CYP7B1: variants seen among roughly 807,000 people sequenced by gnomAD.
CYP7B1 encodes the protein cytochrome P450 7B1.
CYP7B1 carries 29 observed loss-of-function variants against 42.7 expected under a neutral mutation model. The observed-to-expected ratio is 0.68, with a 90% CI of 0.51 to 0.93. The LOEUF is 0.93. Among genes scored for constraint, CYP7B1 ranks in the 40% least tolerant of loss-of-function variants. The probability of loss-of-function intolerance (pLI) is 0.00; values close to 1 mark genes in which losing one functional copy is unlikely to be tolerated. For missense variants in CYP7B1, 655 were observed against 600.5 expected (o/e 1.09, Z -0.95); for synonymous variants, 235 against 218.2 (o/e 1.08, Z -0.68).
intron 1 of CYP7B1, among the ~76,000 whole-genome samples, chr8:64,782,789 C>A (rs543053800): frequency 4.1e-4 from 62 of 152,244 alleles, no homozygotes; most frequent in East Asian, 1.9e-3. Context: ...TCCCATGAAT[C>A]ATTAAATGGT....
At chr8:64,688,644 G>C (rs1212125592) in intron 1 of CYP7B1, among the ~76,000 whole-genome samples, 1 of 152,198 alleles carries the variant, frequency 6.6e-6, no homozygotes, top group East Asian at 1.9e-4. Flanking sequence ...TTGATTTAGG[G>C]CCAGGTGCAG....
intron 1 of CYP7B1, among the ~76,000 whole-genome samples, chr8:64,764,611 C>T (rs1319125367): frequency 1.3e-5 from 2 of 152,058 alleles, no homozygotes; most frequent in African/African-American, 4.8e-5. Context: ...CTGAGACAAC[C>T]CGTAGCCTTC....
intron 1 of CYP7B1, among the ~76,000 whole-genome samples, chr8:64,695,603 CTTTT>C (rs35575527): frequency 0.034 from 3,364 of 100,038 alleles, 148 homozygotes; most frequent in African/African-American, 0.094. Context: ...TATCAAATTC[CTTTT>C]TTTTTTTTTT....
intron 1 of CYP7B1, among the ~76,000 whole-genome samples, chr8:64,753,567 C>A (rs897839952): frequency 6.6e-6 from 1 of 152,152 alleles, no homozygotes; most frequent in Admixed American, 6.5e-5. Flanking sequence ...GGAAGGAATA[C>A]GTGACAGGAC....
At chr8:64,675,431 C>A (rs1247622687) in intron 1 of CYP7B1, among the ~76,000 whole-genome samples, 3 of 150,704 alleles carry the variant, frequency 2.0e-5, no homozygotes, top group African/African-American at 7.3e-5. Flanking sequence ...ATACACATTT[C>A]AGTTCATGCA....
Position 64,723,868 on chromosome 8 carries a change from C to T in CYP7B1, c.122+74598G>A, listed in dbSNP as rs1030301367. Among the ~76,000 whole-genome samples, 5 of 151,658 alleles carry T rather than the reference C, an allele frequency of 3.3e-5. No individual in the cohort carries two copies. The East Asian group carries it at 9.7e-4, about 29-fold the overall frequency. On this transcript the variant is annotated intron_variant, in intron 1 of 5. Transcript: ENST00000310193. ...ATTCATAGTATGGAATATTATAGAACGTTAAAAGAGTCTGTTAAAGCTACA... is the reference window on the plus strand; with the variant it reads ...ATTCATAGTATGGAATATTATAGAATGTTAAAAGAGTCTGTTAAAGCTACA...
chr8:64,604,252 T>C (rs1805242778), intron 5 of CYP7B1, among the ~76,000 whole-genome samples: 1 of 152,192 alleles, frequency 6.6e-6, no homozygotes. Context: ...ACTACAGCAA[T>C]GATACTATTT....
At chr8:64,731,626 G>A (rs571110853) in intron 1 of CYP7B1, among the ~76,000 whole-genome samples, 42 of 152,328 alleles carry the variant, frequency 2.8e-4, no homozygotes, top group African/African-American at 9.9e-4. Context: ...AAGTACCAAG[G>A]AGCTGAATGT....
At chr8:64,709,679 G>C (rs1263379134) in intron 1 of CYP7B1, among the ~76,000 whole-genome samples, 1 of 152,132 alleles carries the variant, frequency 6.6e-6, no homozygotes, top group Non-Finnish European at 1.5e-5. Context: ...GGCTAATCTG[G>C]ATGGAATCAT....
rs1304843411 is a variant in CYP7B1 at position 64,728,129 on chromosome 8, T to A, written c.122+70337A>T. On this transcript the variant is annotated intron_variant, in intron 1 of 5. Coordinates refer to ENST00000310193, the MANE Select transcript of CYP7B1 (RefSeq NM_004820.5). Reference sequence around the variant, plus strand: ...ATCCCTAAGGAACTGTCTCTGCACATAAAAGGATACATAATTTTTTATAAT... The same window carrying A: ...ATCCCTAAGGAACTGTCTCTGCACAAAAAAGGATACATAATTTTTTATAAT... The A allele has an allele frequency of 9.2e-5, 14 of 152,258 alleles. 1 individual carries two copies. In the East Asian group the frequency reaches 1.5e-3, roughly 17 times the overall value. 9.4% of individuals were successfully genotyped at this position (152,258 alleles called of 1,614,324 possible).
intron 1 of CYP7B1, among the ~76,000 whole-genome samples, chr8:64,771,777 T>C (rs892365488): frequency 6.6e-6 from 1 of 152,250 alleles, no homozygotes; most frequent in African/African-American, 2.4e-5. Flanking sequence ...ATGAAGCTTA[T>C]AGACAAAACT....
chr8:64,691,804 G>T lies in CYP7B1; in HGVS notation c.123-67265C>A, dbSNP rs1158294705. On this transcript the variant is annotated intron_variant, in intron 1 of 5. Transcript: ENST00000310193. ...GTGGAGTTAAGTGACTGCCACAGTA[G>T]GGGGCAGAGCCAGAGCAAGCCTCCT... Among the ~76,000 whole-genome samples the T allele has an allele frequency of 2.0e-5, 3 of 152,126 alleles. 1 individual carries two copies. The South Asian group carries it at 6.2e-4, about 32-fold the overall frequency.
chr8:64,702,057 A>C (rs908050766), intron 1 of CYP7B1, among the ~76,000 whole-genome samples: 4 of 152,088 alleles, frequency 2.6e-5, no homozygotes, highest in African/African-American at 9.7e-5. Flanking sequence ...CGGTGCTTTA[A>C]CACAATGAGG....
At chr8:64,652,191 T>C (rs971849747) in intron 1 of CYP7B1, among the ~76,000 whole-genome samples, 1 of 152,216 alleles carries the variant, frequency 6.6e-6, no homozygotes, top group Non-Finnish European at 1.5e-5. Flanking sequence ...TTCCAAACTT[T>C]CGTTATTCAT....
intron 1 of CYP7B1, among the ~76,000 whole-genome samples, chr8:64,788,339 A>AT (rs1359539660): frequency 6.6e-6 from 1 of 152,186 alleles, no homozygotes; most frequent in Non-Finnish European, 1.5e-5. Flanking sequence ...ATTCAATGTC[A>AT]TTTTGTGATA....
rs556163122 is a variant in CYP7B1, at chr8:64,671,064, A to G, written c.123-46525T>C. ...AGGTAAGTTATTGAATAACAACTATATTCAATTTATGTAAATGCCTCCCCC... is the reference window on the plus strand; with the variant it reads ...AGGTAAGTTATTGAATAACAACTATGTTCAATTTATGTAAATGCCTCCCCC... On this transcript the variant is annotated intron_variant, in intron 1 of 5. Coordinates refer to ENST00000310193, the MANE Select transcript of CYP7B1 (RefSeq NM_004820.5). Among the ~76,000 whole-genome samples the G allele has an allele frequency of 8.7e-4, 132 of 152,272 alleles. 1 individual carries two copies. The highest frequency in any genetic ancestry group is 1.5e-3 in the Non-Finnish European group (101 of 68,026).
At chr8:64,755,887 G>A (rs909115515) in intron 1 of CYP7B1, among the ~76,000 whole-genome samples, 1 of 152,168 alleles carries the variant, frequency 6.6e-6, no homozygotes, top group African/African-American at 2.4e-5. Context: ...GGAATTCTAA[G>A]TTAGTGTTCT....
chr8:64,669,099 G>T (rs1182146443), intron 1 of CYP7B1, among the ~76,000 whole-genome samples: 1 of 151,952 alleles, frequency 6.6e-6, no homozygotes, highest in Non-Finnish European at 1.5e-5. Context: ...AATATACAGT[G>T]AACAATGAAC....
chr8:64,667,612 G>T (rs1293830332), intron 1 of CYP7B1, among the ~76,000 whole-genome samples: 3 of 152,014 alleles, frequency 2.0e-5, no homozygotes, highest in Admixed American at 2.0e-4. Flanking sequence ...TTATTAGTCT[G>T]CTCACCAAAT....
Sources: allele counts gnomAD v4.1 joint callset (sites outside exome capture counted in the v4.1 genomes callset), GRCh38; gene constraint gnomAD v4.1.1; transcripts MANE v1.5; gene names NCBI Gene and HGNC (gene_info 2026-07-23, HGNC 2026-07-21).